ADGRF1: variants seen among roughly 807,000 people sequenced by gnomAD.
The protein encoded by ADGRF1 is G protein-coupled receptor 110.
A neutral mutation model predicts 87.2 loss-of-function variants in ADGRF1; 85 were observed. The ratio of observed to expected loss-of-function variants is 0.97; its 90% CI spans 0.82 to 1.17. The LOEUF is 1.17. ADGRF1 is among the 50% of genes most tolerant of loss of function. The probability of loss-of-function intolerance (pLI) is 0.00; values close to 1 mark genes in which losing one functional copy is unlikely to be tolerated. For synonymous variants in ADGRF1, 430 were observed against 408.8 expected, an observed-to-expected ratio of 1.05 and a Z score of -0.63; for missense variants, 1,169 against 1,077.2, an observed-to-expected ratio of 1.09 and a Z score of -1.19.
In ADGRF1 at chr6:47,009,388, C is replaced by A. The variant is rs1323724736; in HGVS notation, c.2047G>T (p.Ala683Ser). 2 of 1,613,958 alleles carry A rather than the reference C, an allele frequency of 1.2e-6. No individual in the cohort carries two copies. The highest frequency in any genetic ancestry group is 2.2e-5 in the East Asian group (1 of 44,870). The part of the protein sequence containing the change: ...FWMLMLGILL[A>S]YRIILVFHHM... ...TGGAACACGAGGATGATCCGGTAAG[C>A]CAGCAGGATGCCAAGCATGAGCATC... is the stretch of plus-strand genomic sequence containing the variant. The change falls in exon 11 of 15, where the codon GCT (alanine) becomes TCT (serine). Residue 683 changes from alanine to serine, a missense_variant. Transcript: ENST00000371253.
chr6:47,005,893 G>T lies in ADGRF1; in HGVS notation c.2533-17C>A, dbSNP rs367752162. On this transcript the variant is annotated splice_polypyrimidine_tract_variant and intron_variant, in intron 12 of 14. Transcript: ENST00000371253. ...TTGTCGCAGCTATAAGGGCAACAAA[G>T]AAATATTGAGGAGATACACATACAA... The T allele has an allele frequency of 4.8e-5, 76 of 1,586,222 alleles. No individual in the cohort carries two copies. The highest frequency in any genetic ancestry group is 6.5e-5 in the Non-Finnish European group (75 of 1,157,260).
At chr6:47,026,600 G>T (rs1475544147) in intron 3 of ADGRF1, among the ~76,000 whole-genome samples, 1 of 152,052 alleles carries the variant, frequency 6.6e-6, no homozygotes, top group African/African-American at 2.4e-5. Flanking sequence ...TCCCCACAGA[G>T]AAGCCATTAA....
chr6:47,009,634 T>C lies in ADGRF1; in HGVS notation c.1801A>G (p.Ile601Val). The C allele has an allele frequency of 6.2e-7, 1 of 1,614,140 alleles. No individual in the cohort carries two copies. The highest frequency in any genetic ancestry group is 8.5e-7 in the Non-Finnish European group (1 of 1,180,012). Residue 601 changes from isoleucine to valine, a missense_variant, in exon 11 of 15, where the codon ATT (isoleucine) becomes GTT (valine). Ile to Val is a conservative substitution (Grantham distance 29). Coordinates refer to ENST00000371253, the MANE Select transcript of ADGRF1 (RefSeq NM_153840.4). ...AAAGCCTCGATGATCAGGCATAAAATGAGACTTCCAATGGAGATACCCAGT... is the reference window on the plus strand; with the variant it reads ...AAAGCCTCGATGATCAGGCATAAAACGAGACTTCCAATGGAGATACCCAGT... Reference protein sequence around the residue: ...VGLGISIGSLILCLIIEALFW... With the variant: ...VGLGISIGSLVLCLIIEALFW...
intron 9 of ADGRF1, chr6:47,013,266 T>G (rs1220800131): frequency 2.0e-6 from 2 of 985,458 alleles, no homozygotes; most frequent in Non-Finnish European, 2.4e-6. Context: ...ACCTGGGATC[T>G]GCCTGGAGCG....
intron 10 of ADGRF1, 135 bp from the exon 11 acceptor site, chr6:47,010,453 A>C: frequency 3.3e-4 from 249 of 758,358 alleles, no homozygotes; most frequent in Non-Finnish European, 4.4e-4. Context: ...ATTAAAACTC[A>C]TCAATCAAAT....
intron 9 of ADGRF1, chr6:47,012,792 TG>T: frequency 2.0e-6 from 2 of 984,508 alleles, no homozygotes; most frequent in African/African-American, 1.7e-5. Context: ...TTTTTCGAGA[TG>T]GAGTCTTGCT....
At chr6:47,024,322 T>G in intron 4 of ADGRF1, 105 bp from the exon 5 acceptor site, 1 of 817,874 alleles carries the variant, frequency 1.2e-6, no homozygotes, top group South Asian at 1.9e-5. Context: ...ATTAACTTCC[T>G]ACATCTTCTA....
intron 11 of ADGRF1, among the ~76,000 whole-genome samples, chr6:47,008,636 A>AT (rs1779599409): frequency 6.6e-6 from 1 of 152,096 alleles, no homozygotes; most frequent in South Asian, 2.1e-4. Flanking sequence ...TCTCTGTTTA[A>AT]TTTTTTCCCA....
chr6:47,001,083 A>G (rs928498001), intron 14 of ADGRF1, among the ~76,000 whole-genome samples: 5 of 152,224 alleles, frequency 3.3e-5, no homozygotes, highest in Non-Finnish European at 7.3e-5. Context: ...CATTTTAGGG[A>G]GGAGGACATG....
rs775748689 is a variant in ADGRF1, at chr6:47,012,120, G to A, written c.1003C>T (p.Arg335Trp). 102 of 1,613,908 alleles carry A rather than the reference G, an allele frequency of 6.3e-5. 2 individuals carry two copies. In the South Asian group the frequency reaches 9.6e-4, roughly 15 times the overall value. The change falls in exon 10 of 15, where the codon CGG becomes TGG. Residue 335 changes from arginine to tryptophan, a missense_variant. Coordinates refer to ENST00000371253, the MANE Select transcript of ADGRF1 (RefSeq NM_153840.4). Reference protein sequence around the residue: ...SFVQNLSVIIRQNPSTTVGNL... With the variant: ...SFVQNLSVIIWQNPSTTVGNL... ...CCCACTGTGGTTGATGGGTTTTGCC[G>A]AATGATGACAGAAAGATTTTGCACG...
chr6:47,010,724 T>C (rs891119982), intron 10 of ADGRF1, among the ~76,000 whole-genome samples: 1 of 152,240 alleles, frequency 6.6e-6, no homozygotes, highest in Non-Finnish European at 1.5e-5. Context: ...CACATTATGT[T>C]TGTTTTGCTA....
intron 7 of ADGRF1, chr6:47,020,285 G>C (rs1485823463): frequency 3.5e-6 from 4 of 1,135,714 alleles, no homozygotes; most frequent in Non-Finnish European, 4.6e-6. Flanking sequence ...CTGAGGTCAG[G>C]AGTTTGAGAC....
intron 7 of ADGRF1, chr6:47,018,043 G>A (rs1470835262): frequency 5.2e-6 from 1 of 193,282 alleles, no homozygotes; most frequent in Non-Finnish European, 1.1e-5. Context: ...AGGGAAGACA[G>A]TGGGAAAAAT....
intron 1 of ADGRF1, among the ~76,000 whole-genome samples, chr6:47,040,573 G>T (rs116083489): frequency 0.01 from 1,568 of 151,436 alleles, 32 homozygotes; most frequent in African/African-American, 0.037. Flanking sequence ...TTTCCTAAGG[G>T]TGTCCTTAAG....
chr6:47,016,811 T>C (rs1403714583), intron 7 of ADGRF1, 43 bp from the exon 8 acceptor site: 3 of 1,540,742 alleles, frequency 1.9e-6, no homozygotes, highest in Non-Finnish European at 2.6e-6. Flanking sequence ...TCACTACTTA[T>C]TTATTCATTC....
At position 47,030,576 on chromosome 6, in the gene ADGRF1, A is replaced by ATGTGTGTT. The variant is rs1554137362; in HGVS notation, c.-43-1473_-43-1472insAACACACA. Among the ~76,000 whole-genome samples, 92 of 138,564 alleles carry ATGTGTGTT rather than the reference A, an allele frequency of 6.6e-4. 2 individuals carry two copies. Among genetic ancestry groups the ATGTGTGTT allele is most frequent in the South Asian group, 3.7e-3 (15 of 4,032 alleles). 90.9% of individuals were successfully genotyped at this position (138,564 alleles called of 152,430 possible). On this transcript the variant is annotated intron_variant, in intron 1 of 14. Coordinates refer to ENST00000371253, the MANE Select transcript of ADGRF1 (RefSeq NM_153840.4). ...AAGAAAGATATGTGATAACATGAAT[A>ATGTGTGTT]TGTGTGTGTGTGTGTGTGTGTGTGT...
intron 3 of ADGRF1, among the ~76,000 whole-genome samples, chr6:47,026,853 C>T (rs1780251806): frequency 6.6e-6 from 1 of 152,170 alleles, no homozygotes; most frequent in African/African-American, 2.4e-5. Context: ...GTGGTGGGAC[C>T]TGAGACAAGA....
chr6:47,019,970 A>G (rs1779993931), intron 7 of ADGRF1: 1 of 987,058 alleles, frequency 1.0e-6, no homozygotes, highest in Non-Finnish European at 1.2e-6. Context: ...CTGTGCAAAG[A>G]TATCTCACCC....
intron 1 of ADGRF1, among the ~76,000 whole-genome samples, chr6:47,032,182 A>C (rs1304610032): frequency 6.6e-6 from 1 of 152,190 alleles, no homozygotes; most frequent in African/African-American, 2.4e-5. Context: ...TAAAAAAATA[A>C]AAATAAAATA....
Sources: allele counts gnomAD v4.1 joint callset (sites outside exome capture counted in the v4.1 genomes callset), GRCh38; gene constraint gnomAD v4.1.1; transcripts MANE v1.5; gene names NCBI Gene and HGNC (gene_info 2026-07-23, HGNC 2026-07-21).